Variants in KSR2 observed in about 807,000 individuals in gnomAD.
KSR2 encodes the protein kinase suppressor of ras 2.
KSR2 carries 25 observed loss-of-function variants against 107.8 expected under a neutral mutation model. The ratio of observed to expected loss-of-function variants is 0.23; its 90% CI spans 0.17 to 0.32. KSR2 has a LOEUF of 0.32. KSR2 is among the 10% of genes least tolerant of loss of function. The pLI is 1.00. For missense variants in KSR2, 887 were observed against 1,268.9 expected (o/e 0.70, Z 4.57); for synonymous variants, 480 against 507.0 (o/e 0.95, Z 0.71).
At chr12:117,959,194 G>A (rs550689908) in intron 1 of KSR2, among the ~76,000 whole-genome samples, 3 of 152,090 alleles carry the variant, frequency 2.0e-5, no homozygotes, top group South Asian at 2.1e-4. Context: ...AGTGAACTTC[G>A]TATCTCCAGC....
At chr12:117,604,467 T>G (rs1041651303) in intron 5 of KSR2, among the ~76,000 whole-genome samples, 4 of 152,226 alleles carry the variant, frequency 2.6e-5, no homozygotes, top group African/African-American at 9.6e-5. Context: ...AAAGTTTAAC[T>G]TTTTGAGGAA....
At position 117,726,198 on chromosome 12, in the gene KSR2, A is replaced by T. The variant is rs188075995; in HGVS notation, c.986+34813T>A. Reference sequence around the variant, plus strand: ...AAACATAAAATAAAATAAAATAAAAATTTTTTTAAAAAGATAACCCAATTT... The same window carrying T: ...AAACATAAAATAAAATAAAATAAAATTTTTTTTAAAAAGATAACCCAATTT... On this transcript the variant is annotated intron_variant, in intron 4 of 19. Coordinates refer to ENST00000339824, the MANE Select transcript of KSR2 (RefSeq NM_173598.6). Among the ~76,000 whole-genome samples, 1,401 of 152,146 alleles carry T rather than the reference A, an allele frequency of 9.2e-3. 19 individuals carry two copies. The highest frequency in any genetic ancestry group is 0.03 in the African/African-American group (1,246 of 41,496).
At chr12:117,918,554 TG>T (rs1348848112) in intron 1 of KSR2, among the ~76,000 whole-genome samples, 1 of 149,684 alleles carries the variant, frequency 6.7e-6, no homozygotes, top group Non-Finnish European at 1.5e-5. Context: ...TTTGGGAGGC[TG>T]AGGCAGGCAG....
At chr12:117,613,285 A>G (rs1218828086) in intron 5 of KSR2, among the ~76,000 whole-genome samples, 2 of 152,194 alleles carry the variant, frequency 1.3e-5, no homozygotes, top group African/African-American at 4.8e-5. Context: ...TAACAATTCT[A>G]CTTCTGTTAT....
intron 3 of KSR2, among the ~76,000 whole-genome samples, chr12:117,822,725 T>C (rs1365765903): frequency 6.6e-6 from 1 of 152,212 alleles, no homozygotes; most frequent in African/African-American, 2.4e-5. Context: ...TTAAATGATT[T>C]GGCTCAGGAT....
At chr12:117,501,534 G>T (rs1873377774) in intron 14 of KSR2, among the ~76,000 whole-genome samples, 1 of 152,154 alleles carries the variant, frequency 6.6e-6, no homozygotes, top group African/African-American at 2.4e-5. Flanking sequence ...CACTTCCAGA[G>T]CCCTGCCAGG....
At chr12:117,658,057 G>A (rs771323279) in intron 5 of KSR2, among the ~76,000 whole-genome samples, 1 of 152,218 alleles carries the variant, frequency 6.6e-6, no homozygotes, top group Admixed American at 6.5e-5. Context: ...AATAATGAGC[G>A]TGTGTCCATT....
chr12:117,622,972 A>G (rs17585413), intron 5 of KSR2, among the ~76,000 whole-genome samples: 7,100 of 152,276 alleles, frequency 0.047, 367 homozygotes, highest in South Asian at 0.14. Context: ...CAATGGAGGA[A>G]GTTTAAGGTA....
intron 3 of KSR2, among the ~76,000 whole-genome samples, chr12:117,817,799 C>T (rs1000537639): frequency 6.6e-6 from 1 of 152,106 alleles, no homozygotes; most frequent in East Asian, 1.9e-4. Flanking sequence ...CATCCAAATC[C>T]CTTTCTTCAA....
chr12:117,908,109 C>G (rs989035452), intron 1 of KSR2, among the ~76,000 whole-genome samples: 1 of 152,032 alleles, frequency 6.6e-6, no homozygotes. Flanking sequence ...ATTCATATTT[C>G]GTGTTGAAAT....
chr12:117,888,086 C>G (rs1894230585), intron 1 of KSR2, among the ~76,000 whole-genome samples: 1 of 152,192 alleles, frequency 6.6e-6, no homozygotes, highest in African/African-American at 2.4e-5. Flanking sequence ...ACAATATTTC[C>G]AAGTGTAGCC....
chr12:117,631,626 T>A (rs1235235444), intron 5 of KSR2, among the ~76,000 whole-genome samples: 2 of 152,224 alleles, frequency 1.3e-5, no homozygotes, highest in Non-Finnish European at 2.9e-5. Flanking sequence ...TATAGCTAGA[T>A]AATCTTTAGT....
chr12:117,644,234 C>T (rs892349615), intron 5 of KSR2, among the ~76,000 whole-genome samples: 8 of 152,220 alleles, frequency 5.3e-5, no homozygotes, highest in Non-Finnish European at 7.3e-5. Context: ...TGAATTATGG[C>T]CCTAGCGAGG....
At chr12:117,499,835 C>T (rs1181354838) in intron 14 of KSR2, among the ~76,000 whole-genome samples, 1 of 152,242 alleles carries the variant, frequency 6.6e-6, no homozygotes, top group African/African-American at 2.4e-5. Flanking sequence ...TAGGCATAAC[C>T]TCCACCTCAA....
chr12:117,910,297 G>A (rs1216172057), intron 1 of KSR2, among the ~76,000 whole-genome samples: 2 of 152,234 alleles, frequency 1.3e-5, no homozygotes, highest in Non-Finnish European at 2.9e-5. Context: ...GATCCTTAAC[G>A]ACTTCCTAAT....
intron 1 of KSR2, among the ~76,000 whole-genome samples, chr12:117,938,188 T>C (rs1313781075): frequency 2.0e-5 from 3 of 152,170 alleles, no homozygotes; most frequent in Non-Finnish European, 4.4e-5. Context: ...CGTGAAGGCA[T>C]GTATTCTGTG....
At chr12:117,680,544 A>T (rs899820685) in intron 4 of KSR2, among the ~76,000 whole-genome samples, 7 of 152,148 alleles carry the variant, frequency 4.6e-5, no homozygotes, top group African/African-American at 1.7e-4. Context: ...GCTCCATCTC[A>T]TCTCTCTCTC....
chr12:117,527,244 A>G lies in KSR2; in HGVS notation c.1803-125T>C, dbSNP rs1875236845. 1.8e-5 allele frequency: 12 copies of G among 684,294 alleles called. No homozygotes were observed. In the South Asian group the frequency reaches 2.0e-4, roughly 11 times the overall value. The allele number at this position is 684,294 out of a possible 1,614,324, so 42.4% of individuals were successfully genotyped here. A position where few individuals can be genotyped will look rare whatever the true frequency, so the allele number is the denominator to read the frequency against. ...CCACCAAGTCTTTATCTCACATTTC[A>G]TTTCAACAGGTGTGTCTGAAATAAT... On this transcript the variant is annotated intron_variant, in intron 12 of 19. Coordinates refer to ENST00000339824, the MANE Select transcript of KSR2 (RefSeq NM_173598.6).
At chr12:117,967,810 T>G (rs572388745) in intron 1 of KSR2, among the ~76,000 whole-genome samples, 4 of 151,938 alleles carry the variant, frequency 2.6e-5, no homozygotes, top group East Asian at 1.9e-4. Flanking sequence ...TAATAATAAA[T>G]AAAGAATAAC....
Sources: gnomAD v4.1 joint callset for allele counts (sites outside exome capture counted in the v4.1 genomes callset) on GRCh38, gnomAD v4.1.1 for gene constraint, MANE v1.5 for transcripts, NCBI Gene and HGNC (gene_info 2026-07-23, HGNC 2026-07-21) for gene names.